Variants in MRPS28 observed in about 807,000 individuals in gnomAD.
MRPS28 encodes mitochondrial ribosomal protein S28, also known as small ribosomal subunit protein bS1m.
A neutral mutation model predicts 10.8 loss-of-function variants in MRPS28; 7 were observed. That is an observed-to-expected ratio of 0.65 (90% CI 0.37 to 1.22). The LOEUF (loss-of-function observed/expected upper bound fraction) is 1.22. Among genes scored for constraint, MRPS28 ranks in the 50% most tolerant of loss-of-function variants. The probability of loss-of-function intolerance (pLI) is 0.02; values close to 1 mark genes in which losing one functional copy is unlikely to be tolerated. For synonymous variants in MRPS28, 121 were observed against 93.3 expected (o/e 1.30, Z -1.71); for missense variants, 265 against 232.9 (o/e 1.14, Z -0.90).
At chr8:79,985,056 A>T (rs570374609) in intron 2 of MRPS28, among the ~76,000 whole-genome samples, 237 of 152,344 alleles carry the variant, frequency 1.6e-3, no homozygotes, top group Non-Finnish European at 2.9e-3. Context: ...GTAAAAGATC[A>T]GAAATTATAA....
chr8:79,992,268 A>T (rs1808387322), intron 2 of MRPS28, among the ~76,000 whole-genome samples: 1 of 152,226 alleles, frequency 6.6e-6, no homozygotes. Context: ...GTTTTAAGCC[A>T]CTAAGTTATG....
At chr8:80,016,760 A>C (rs1809207435) in intron 1 of MRPS28, among the ~76,000 whole-genome samples, 1 of 152,222 alleles carries the variant, frequency 6.6e-6, no homozygotes, top group South Asian at 2.1e-4. Flanking sequence ...AGAAGTCGGA[A>C]TAATCCTTAA....
chr8:80,016,541 A>G (rs1809201248), intron 1 of MRPS28, among the ~76,000 whole-genome samples: 1 of 152,174 alleles, frequency 6.6e-6, no homozygotes, highest in South Asian at 2.1e-4. Flanking sequence ...CCTGCCTTGC[A>G]AGAAATGTTT....
At chr8:79,922,459 G>A (rs28475207) in intron 2 of MRPS28, among the ~76,000 whole-genome samples, 1,572 of 152,234 alleles carry the variant, frequency 0.01, 24 homozygotes, top group African/African-American at 0.036. Context: ...TGCTAAGTGA[G>A]TATATTTTGT....
chr8:79,930,350 ATC>A (rs1342667704), intron 2 of MRPS28, among the ~76,000 whole-genome samples: 1 of 152,192 alleles, frequency 6.6e-6, no homozygotes, highest in Admixed American at 6.5e-5. Context: ...TTACTCTTTA[ATC>A]TCTGTCAGTG....
rs774724455 is a variant in MRPS28 at position 80,030,109 on chromosome 8, G to A, written c.140C>T (p.Thr47Met). Residue 47 changes from threonine to methionine, a missense_variant, in exon 1 of 3, where the codon ACG becomes ATG. Coordinates refer to ENST00000276585, the MANE Select transcript of MRPS28 (RefSeq NM_014018.3). The stretch of plus-strand genomic sequence containing the variant: ...CGCGCTCGCGAAACCGCCTGCGCGC[G>A]TCTTAGGCTCCTTGGCATTGGAACT... The part of the protein sequence containing the change: ...SGSSNAKEPK[T>M]RAGGFASALE... The A allele has an allele frequency of 1.9e-6, 3 of 1,611,986 alleles. No individual in the cohort carries two copies. The highest frequency in any genetic ancestry group is 2.5e-6 in the Non-Finnish European group (3 of 1,179,950).
At chr8:80,013,664 A>C (rs1809119490) in intron 1 of MRPS28, among the ~76,000 whole-genome samples, 1 of 151,470 alleles carries the variant, frequency 6.6e-6, no homozygotes, top group African/African-American at 2.4e-5. Flanking sequence ...GAAAAGAAAA[A>C]AGAAAAAAAA....
intron 2 of MRPS28, among the ~76,000 whole-genome samples, chr8:79,962,773 C>G (rs192917144): frequency 6.6e-6 from 1 of 152,170 alleles, no homozygotes; most frequent in East Asian, 1.9e-4. Context: ...AGTTGGAACG[C>G]AATTCTAAAC....
At chr8:79,973,960 C>T (rs1807711099) in intron 2 of MRPS28, among the ~76,000 whole-genome samples, 1 of 151,916 alleles carries the variant, frequency 6.6e-6, no homozygotes, top group African/African-American at 2.4e-5. Flanking sequence ...CTATGTTGCC[C>T]AGGCTGATCT....
chr8:79,999,008 T>C (rs1275565071), intron 2 of MRPS28, among the ~76,000 whole-genome samples: 1 of 152,182 alleles, frequency 6.6e-6, no homozygotes, highest in African/African-American at 2.4e-5. Flanking sequence ...AGTAGCATTA[T>C]TCAACTACAC....
At chr8:79,994,644 C>T (rs1808454189) in intron 2 of MRPS28, among the ~76,000 whole-genome samples, 1 of 152,094 alleles carries the variant, frequency 6.6e-6, no homozygotes, top group Admixed American at 6.6e-5. Flanking sequence ...ACTAACTGCC[C>T]TCTCACATCC....
intron 1 of MRPS28, among the ~76,000 whole-genome samples, chr8:80,028,217 G>A (rs1173990456): frequency 6.6e-6 from 1 of 151,802 alleles, no homozygotes; most frequent in Non-Finnish European, 1.5e-5. Flanking sequence ...GGTTTCCGAA[G>A]GGGCTTAGAA....
At chr8:79,963,368 CA>C (rs1221087440) in intron 2 of MRPS28, among the ~76,000 whole-genome samples, 1 of 152,014 alleles carries the variant, frequency 6.6e-6, no homozygotes, top group African/African-American at 2.4e-5. Flanking sequence ...ACAACAACAA[CA>C]AAAAACCACG....
At chr8:79,946,218 G>A (rs906810563) in intron 2 of MRPS28, among the ~76,000 whole-genome samples, 19 of 151,954 alleles carry the variant, frequency 1.3e-4, no homozygotes, top group African/African-American at 3.4e-4. Context: ...TAATCAAAAT[G>A]TCCCATCTTG....
intron 2 of MRPS28, chr8:79,957,260 G>A (rs980216363): frequency 6.6e-6 from 1 of 151,652 alleles, no homozygotes; most frequent in Non-Finnish European, 1.5e-5. Context: ...CCCAAAGTCT[G>A]GTCTGCTATT....
chr8:79,957,436 G>T (rs1021571943), intron 2 of MRPS28: 1 of 151,792 alleles, frequency 6.6e-6, no homozygotes, highest in African/African-American at 2.4e-5. Context: ...AGCCATGTGT[G>T]GTGGCTAATG....
chr8:80,026,033 A>G (rs2130254964), intron 1 of MRPS28, among the ~76,000 whole-genome samples: 1 of 152,346 alleles, frequency 6.6e-6, no homozygotes, highest in South Asian at 2.1e-4. Flanking sequence ...GGACTTTTAC[A>G]TTTCACATAA....
chr8:79,986,645 A>T (rs1808189007), intron 2 of MRPS28, among the ~76,000 whole-genome samples: 1 of 152,158 alleles, frequency 6.6e-6, no homozygotes, highest in East Asian at 1.9e-4. Context: ...ACAAACAGAG[A>T]GCCAAATCAT....
At chr8:79,941,774 GT>G in intron 2 of MRPS28, among the ~76,000 whole-genome samples, 1 of 152,242 alleles carries the variant, frequency 6.6e-6, no homozygotes, top group South Asian at 2.1e-4. Flanking sequence ...AGAGAAAACT[GT>G]TTCAATAATT....
Sources: allele counts gnomAD v4.1 joint callset (sites outside exome capture counted in the v4.1 genomes callset), GRCh38; gene constraint gnomAD v4.1.1; transcripts MANE v1.5; gene names NCBI Gene and HGNC (gene_info 2026-07-23, HGNC 2026-07-21).